Variants in TGFBR3L observed in about 807,000 individuals in gnomAD.
The protein encoded by TGFBR3L is transforming growth factor beta receptor 3 like, also known as transforming growth factor-beta receptor type 3-like protein.
A neutral mutation model predicts 20.4 loss-of-function variants in TGFBR3L; 21 were observed. That is an observed-to-expected ratio of 1.03 (90% confidence interval 0.73 to 1.48). The LOEUF (loss-of-function observed/expected upper bound fraction) is 1.48. TGFBR3L is among the 40% of genes most tolerant of loss of function. The pLI is 0.00. For missense variants in TGFBR3L, 479 were observed against 498.0 expected, an observed-to-expected ratio of 0.96 and a Z score of 0.36; for synonymous variants, 245 against 244.2, an observed-to-expected ratio of 1.00 and a Z score of -0.03.
Position 7,916,359 on chromosome 19 carries a change from G to T in TGFBR3L, c.92G>T (p.Gly31Val). The T allele has an allele frequency of 6.5e-7, 1 of 1,535,664 alleles. No individual in the cohort carries two copies. The highest frequency in any genetic ancestry group is 8.7e-7 in the Non-Finnish European group (1 of 1,146,784). ...GTCACTTTTCCCGGAGGCCTAAAGG[G>T]CAGCGCGCGTTTTCTCTCCTTTGGG... Residue 31 changes from glycine (G) to valine (V), a missense_variant, in exon 1 of 6, where the codon GGC becomes GTC. Coordinates refer to ENST00000565886, the MANE Select transcript of TGFBR3L (RefSeq NM_001195259.2).
rs1390227129 is a variant in TGFBR3L at position 7,917,764 on chromosome 19, C to T, written c.788C>T (p.Ala263Val). The change falls in exon 4 of 6, where the codon GCC becomes GTC. Residue 263 changes from alanine to valine, a missense_variant. Ala to Val is a moderately conservative substitution (Grantham distance 64). Coordinates refer to ENST00000565886, the MANE Select transcript of TGFBR3L (RefSeq NM_001195259.2). ...GAGCCTCCCGCGCCGGCCCCCGCGG[C>T]CCTGGAACCCGCGCCGGTGGTGGCG... 1 of 1,441,616 alleles carries T rather than the reference C, an allele frequency of 6.9e-7. No homozygotes were observed. The highest frequency in any genetic ancestry group is 2.8e-5 in the Admixed American group (1 of 35,408). The allele number at this position is 1,441,616 out of a possible 1,614,324, so 89.3% of individuals were successfully genotyped here.
intron 5 of TGFBR3L, among the ~76,000 whole-genome samples, 182 bp downstream of exon 6, chr19:7,918,311 A>G (rs1300603535): frequency 6.6e-6 from 1 of 152,180 alleles, no homozygotes; most frequent in African/African-American, 2.4e-5. Context: ...ATCTCGGCTC[A>G]CCGCAACCTC....
At position 7,915,988 on chromosome 19, in the gene TGFBR3L, G is replaced by A. The variant is rs1333470185; in HGVS notation, c.-280G>A. Among the ~76,000 whole-genome samples, 2 of 152,160 alleles carry A rather than the reference G, an allele frequency of 1.3e-5. No homozygotes were observed. The highest frequency in any genetic ancestry group is 3.9e-4 in the East Asian group (2 of 5,184). On this transcript the variant is annotated 5_prime_UTR_variant, in exon 1 of 6. Transcript: ENST00000565886. ...CTCTTCACTTCCCTTCCTCGTTGGT[G>A]ACAGCACCTATCTCCCCTTAGAAAG...
Position 7,916,287 on chromosome 19 carries a change from C to CA in TGFBR3L, c.22dup (p.Thr8AsnfsTer121). On this transcript the variant is annotated frameshift_variant, in exon 1 of 6. Coordinates refer to ENST00000565886, the MANE Select transcript of TGFBR3L (RefSeq NM_001195259.2). LOFTEE classifies it high-confidence loss of function. ...CCCATCATGGGTGAATCGGCCGCCG[C>CA]AACCGCATCCCTTTTCCAAAGGCGG... is the stretch of plus-strand genomic sequence containing the variant. The CA allele has an allele frequency of 6.5e-7, 1 of 1,535,290 alleles. No individual in the cohort carries two copies. Among genetic ancestry groups the CA allele is most frequent in the South Asian group, 1.2e-5 (1 of 84,012 alleles).
chr19:7,918,157 T>A lies in TGFBR3L; in HGVS notation c.*5+28T>A, dbSNP rs976685322. 9 of 1,532,064 alleles carry A rather than the reference T, an allele frequency of 5.9e-6. No individual in the cohort carries two copies. In the African/African-American group the frequency reaches 1.2e-4, roughly 21 times the overall value. The allele number at this position is 1,532,064 out of a possible 1,614,324, so 94.9% of individuals were successfully genotyped here. ...AGGTATGGAGGTGGAGGGAGCTGGG[T>A]GAGGTAGGAGATCTGACAGTGACGC... is the stretch of plus-strand genomic sequence containing the variant. On this transcript the variant is annotated intron_variant, in intron 5 of 5. Coordinates refer to ENST00000565886, the MANE Select transcript of TGFBR3L (RefSeq NM_001195259.2).
At position 7,916,520 on chromosome 19, in the gene TGFBR3L, G is replaced by C. The variant is rs991007875; in HGVS notation, c.253G>C (p.Ala85Pro). Residue 85 changes from alanine to proline, a missense_variant, in exon 1 of 6, where the codon GCC becomes CCC. By Grantham distance (27) the Ala-to-Pro change is conservative. Transcript: ENST00000565886. Reference sequence around the variant, plus strand: ...CCGCGCGGGGCCGCTCGAGGTCCCGGCCGACAGCCGCGTGTTCGTGCAGGT... The same window carrying C: ...CCGCGCGGGGCCGCTCGAGGTCCCGCCCGACAGCCGCGTGTTCGTGCAGGT... 3 of 1,507,186 alleles carry C rather than the reference G, an allele frequency of 2.0e-6. No homozygotes were observed. The East Asian group carries it at 7.4e-5, about 37-fold the overall frequency. The allele number at this position is 1,507,186 out of a possible 1,614,324, so 93.4% of individuals were successfully genotyped here.
rs1347173592 is a variant in TGFBR3L at position 7,914,852 on chromosome 19, C to T, written c.-1416C>T. Among the ~76,000 whole-genome samples, 2 of 152,212 alleles carry T rather than the reference C, an allele frequency of 1.3e-5. No homozygotes were observed. The highest frequency in any genetic ancestry group is 2.9e-5 in the Non-Finnish European group (2 of 68,024). On this transcript the variant is annotated 5_prime_UTR_variant, in exon 1 of 6. Coordinates refer to ENST00000565886, the MANE Select transcript of TGFBR3L (RefSeq NM_001195259.2). ...CCCAAACACTCCGACCTCAGCTGGT[C>T]CAGCATGCTGGGCACCGTGCTGCTG...
chr19:7,915,049 A>G lies in TGFBR3L; in HGVS notation c.-1219A>G, dbSNP rs1983213466. Reference sequence around the variant, plus strand: ...GAGTGCAGTGGCGCAATCTCCACTCACCGCAACCTCCGCCTCCCCGGTTCA... The same window carrying G: ...GAGTGCAGTGGCGCAATCTCCACTCGCCGCAACCTCCGCCTCCCCGGTTCA... On this transcript the variant is annotated 5_prime_UTR_variant, in exon 1 of 6. Transcript: ENST00000565886. Among the ~76,000 whole-genome samples the G allele has an allele frequency of 6.6e-6, 1 of 152,064 alleles. No individual in the cohort carries two copies. The highest frequency in any genetic ancestry group is 2.1e-4 in the South Asian group (1 of 4,816).
In TGFBR3L at chr19:7,916,310, C is replaced by T. The variant is rs1464317031; in HGVS notation, c.43C>T (p.Arg15Trp). The T allele has an allele frequency of 6.5e-7, 1 of 1,535,450 alleles. No individual in the cohort carries two copies. Among genetic ancestry groups the T allele is most frequent in the Admixed American group, 2.0e-5 (1 of 50,972 alleles). The stretch of plus-strand genomic sequence containing the variant: ...CGCAACCGCATCCCTTTTCCAAAGG[C>T]GGCGGCGGGGGCGAGGTGGTCGGGT... The change falls in exon 1 of 6, where the codon CGG becomes TGG. Residue 15 changes from arginine to tryptophan, a missense_variant. Physicochemically the swap from Arg to Trp is moderately radical, Grantham distance 101. Transcript: ENST00000565886.
intron 5 of TGFBR3L, among the ~76,000 whole-genome samples, chr19:7,918,419 A>G (rs1983423274): frequency 6.6e-6 from 1 of 152,092 alleles, no homozygotes; most frequent in Non-Finnish European, 1.5e-5. Context: ...TATTTTTAGT[A>G]GAGACGGGGT....
intron 2 of TGFBR3L, 30 bp from the exon 4 acceptor site, chr19:7,917,443 C>A (rs1373034221): frequency 6.6e-7 from 1 of 1,519,360 alleles, no homozygotes; most frequent in South Asian, 1.2e-5. Context: ...CCTGATGTCC[C>A]CGTCTCTTCC....
Position 7,918,082 on chromosome 19 carries a change from G to T in TGFBR3L, c.909G>T (p.Ala303=), listed in dbSNP as rs763277408. The stretch of plus-strand genomic sequence containing the variant: ...CGCCCCACGCCCCTGGCCCGCCCGC[G>T]AGAGCCTCGCCCAGCGGTCCCCAGC... The change falls in exon 5 of 6, where the codon GCG becomes GCT. Residue 303 remains alanine, a synonymous_variant. Transcript: ENST00000565886. 15 of 1,535,808 alleles carry T rather than the reference G, an allele frequency of 9.8e-6. 1 individual carries two copies. The South Asian group carries it at 1.8e-4, about 18-fold the overall frequency.
intron 4 of TGFBR3L, 39 bp from the exon 6 acceptor site, chr19:7,918,018 C>T: frequency 6.6e-7 from 1 of 1,523,534 alleles, no homozygotes; most frequent in Non-Finnish European, 8.8e-7. Context: ...CCTGGCGTGG[C>T]GCGCAGCAGC....
chr19:7,916,967 C>T (rs1983340663), intron 2 of TGFBR3L, 25 bp downstream of exon 3: 1 of 1,277,080 alleles, frequency 7.8e-7, no homozygotes, highest in Non-Finnish European at 9.8e-7. Flanking sequence ...AGCCTGGAAT[C>T]CGGGCGCTGG....
chr19:7,915,460 C>G lies in TGFBR3L; in HGVS notation c.-808C>G, dbSNP rs143810224. On this transcript the variant is annotated 5_prime_UTR_variant, in exon 1 of 6. Coordinates refer to ENST00000565886, the MANE Select transcript of TGFBR3L (RefSeq NM_001195259.2). Reference sequence around the variant, plus strand: ...GAGGGGGCCAGTCTACCCAGGTGCTCTTCAGAAGTGGGTGTGGTGTGCGGA... The same window carrying G: ...GAGGGGGCCAGTCTACCCAGGTGCTGTTCAGAAGTGGGTGTGGTGTGCGGA... Among the ~76,000 whole-genome samples the G allele has an allele frequency of 7.2e-5, 11 of 152,270 alleles. No homozygotes were observed. Among genetic ancestry groups the G allele is most frequent in the Non-Finnish European group, 1.3e-4 (9 of 68,010 alleles).
chr19:7,916,564 A>G, intron 1 of TGFBR3L, 21 bp downstream of exon 2: 1 of 1,454,898 alleles, frequency 6.9e-7, no homozygotes, highest in Non-Finnish European at 9.0e-7. Flanking sequence ...CGGGGACACC[A>G]GGGGCGGATG....
In TGFBR3L at chr19:7,916,787, G is replaced by A; in HGVS notation, c.442G>A (p.Ala148Thr). The change falls in exon 2 of 6, where the codon GCC (alanine) becomes ACC (threonine). Residue 148 changes from alanine to threonine, a missense_variant. By Grantham distance (58) the Ala-to-Thr change is moderately conservative. Transcript: ENST00000565886. ...GCCACCGCCGCCGCCGAGCCCGGGT[G>A]CCGCCCGCCCCGCGCGTTTCAGCTT... The A allele has an allele frequency of 2.0e-6, 3 of 1,488,328 alleles. No homozygotes were observed. The highest frequency in any genetic ancestry group is 1.5e-5 in the African/African-American group (1 of 68,698). The allele number at this position is 1,488,328 out of a possible 1,614,324, so 92.2% of individuals were successfully genotyped here.
In TGFBR3L at chr19:7,916,064, G is replaced by C. The variant is rs1262803790; in HGVS notation, c.-204G>C. The C allele has an allele frequency of 1.0e-6, 1 of 1,000,448 alleles. No homozygotes were observed. Among genetic ancestry groups the C allele is most frequent in the Non-Finnish European group, 1.4e-6 (1 of 707,850 alleles). 62.0% of individuals were successfully genotyped at this position (1,000,448 alleles called of 1,614,324 possible). A position where few individuals can be genotyped will look rare whatever the true frequency, so the allele number is the denominator to read the frequency against. ...CCAAGAGCAGCCCTGGGGAAGGTGGGGGAGCTCTGACTTCACCCAGCCGGA... is the reference window on the plus strand; with the variant it reads ...CCAAGAGCAGCCCTGGGGAAGGTGGCGGAGCTCTGACTTCACCCAGCCGGA... On this transcript the variant is annotated 5_prime_UTR_variant, in exon 1 of 6. Coordinates refer to ENST00000565886, the MANE Select transcript of TGFBR3L (RefSeq NM_001195259.2).
In TGFBR3L at chr19:7,916,398, C is replaced by T; in HGVS notation, c.131C>T (p.Ala44Val). Residue 44 changes from alanine (A) to valine (V), a missense_variant, in exon 1 of 6, where the codon GCC becomes GTC. Coordinates refer to ENST00000565886, the MANE Select transcript of TGFBR3L (RefSeq NM_001195259.2). ...CTCTCCTTTGGGCCGCCCTTCCCCG[C>T]CCCGCCAGCTCCCCCGTTCCCCGCG... The T allele has an allele frequency of 6.5e-7, 1 of 1,535,240 alleles. No homozygotes were observed. The highest frequency in any genetic ancestry group is 1.2e-5 in the South Asian group (1 of 84,036).
Sources: gnomAD v4.1 joint callset for allele counts (sites outside exome capture counted in the v4.1 genomes callset) on GRCh38, gnomAD v4.1.1 for gene constraint, MANE v1.5 for transcripts, NCBI Gene and HGNC (gene_info 2026-07-23, HGNC 2026-07-21) for gene names.